Variants in MECOM observed in about 807,000 individuals in gnomAD.
The protein encoded by MECOM is MDS1 and EVI1 complex locus.
A neutral mutation model predicts 116.3 loss-of-function variants in MECOM; 13 were observed. The observed-to-expected ratio is 0.11, with a 90% CI of 0.07 to 0.18. MECOM has a LOEUF of 0.18. Among genes scored for constraint, MECOM ranks in the 10% least tolerant of loss-of-function variants. The pLI, the probability that MECOM is intolerant of heterozygous loss-of-function variation, is 1.00. For missense variants in MECOM, 1,299 were observed against 1,509.0 expected (o/e 0.86, Z 2.31); for synonymous variants, 528 against 535.2 (o/e 0.99, Z 0.19).
chr3:169,266,295 G>A (rs1758293585), intron 2 of MECOM, among the ~76,000 whole-genome samples: 1 of 152,176 alleles, frequency 6.6e-6, no homozygotes, highest in Non-Finnish European at 1.5e-5. Context: ...GTAAAGTTGT[G>A]TATGAGTACA....
At chr3:169,542,332 A>G (rs1175007236) in intron 1 of MECOM, among the ~76,000 whole-genome samples, 1 of 150,984 alleles carries the variant, frequency 6.6e-6, no homozygotes, top group Non-Finnish European at 1.5e-5. Flanking sequence ...CTAGAAAAAA[A>G]AAAAAGAACA....
At chr3:169,497,539 G>A (rs539198489) in intron 1 of MECOM, among the ~76,000 whole-genome samples, 12 of 152,022 alleles carry the variant, frequency 7.9e-5, no homozygotes, top group South Asian at 4.2e-4. Flanking sequence ...GGTATTTTTA[G>A]TAGAGATGGA....
chr3:169,257,202 G>A (rs1041420482), intron 2 of MECOM, among the ~76,000 whole-genome samples: 3 of 152,132 alleles, frequency 2.0e-5, no homozygotes, highest in Non-Finnish European at 4.4e-5. Context: ...AGCTTTCAGC[G>A]GAGGCTACAA....
chr3:169,567,612 G>A (rs1238985210), intron 1 of MECOM, among the ~76,000 whole-genome samples: 1 of 152,132 alleles, frequency 6.6e-6, no homozygotes, highest in Non-Finnish European at 1.5e-5. Flanking sequence ...GTATGAAAAT[G>A]CTTTGCCAGT....
intron 5 of MECOM, among the ~76,000 whole-genome samples, chr3:169,127,379 T>A (rs1395437968): frequency 6.6e-6 from 1 of 152,144 alleles, no homozygotes; most frequent in Admixed American, 6.5e-5. Flanking sequence ...TATATATATG[T>A]AATTTAGATC....
chr3:169,549,493 T>A (rs997243251), intron 1 of MECOM, among the ~76,000 whole-genome samples: 1 of 152,190 alleles, frequency 6.6e-6, no homozygotes, highest in South Asian at 2.1e-4. Flanking sequence ...AAGACAAGCT[T>A]TGCCTATGCC....
intron 1 of MECOM, among the ~76,000 whole-genome samples, chr3:169,586,122 T>C (rs1765742648): frequency 6.6e-6 from 1 of 152,246 alleles, no homozygotes; most frequent in South Asian, 2.1e-4. Context: ...CTTCAAATAG[T>C]TGTCTAATCA....
chr3:169,130,507 G>A (rs1383143902), intron 4 of MECOM, among the ~76,000 whole-genome samples: 5 of 118,334 alleles, frequency 4.2e-5, no homozygotes, highest in African/African-American at 1.7e-4. Flanking sequence ...AACTACTCTT[G>A]TATAACCTAC....
chr3:169,229,581 G>T (rs1753133270), intron 2 of MECOM, among the ~76,000 whole-genome samples: 1 of 152,092 alleles, frequency 6.6e-6, no homozygotes, highest in Non-Finnish European at 1.5e-5. Flanking sequence ...ATGAGGTCTG[G>T]ATTCTGGTTG....
Position 169,663,628 on chromosome 3 carries a change from C to T in MECOM, c.-256G>A, listed in dbSNP as rs75051628. ...TCTCTCCCTCCCTCTCTCCCTTTCT[C>T]TCAATCCACACTCGCTATCTCTCCA... is the stretch of plus-strand genomic sequence containing the variant. On this transcript the variant is annotated 5_prime_UTR_variant, in exon 1 of 17. Coordinates refer to ENST00000651503, the MANE Select transcript of MECOM (RefSeq NM_004991.4). 3.5e-6 allele frequency: 2 copies of T among 567,476 alleles called. No homozygotes were observed. Among genetic ancestry groups the T allele is most frequent in the East Asian group, 2.9e-5 (1 of 34,554 alleles). The allele number at this position is 567,476 out of a possible 1,614,324, so 35.2% of individuals were successfully genotyped here.
At chr3:169,250,179 A>G (rs2149581420) in intron 2 of MECOM, among the ~76,000 whole-genome samples, 1 of 152,296 alleles carries the variant, frequency 6.6e-6, no homozygotes, top group East Asian at 1.9e-4. Context: ...CAGTGGTTTT[A>G]CTTTCTTTAC....
At chr3:169,330,272 C>A (rs1722512615) in intron 2 of MECOM, among the ~76,000 whole-genome samples, 1 of 152,116 alleles carries the variant, frequency 6.6e-6, no homozygotes. Context: ...GATTCTCCAA[C>A]CTTGGCCTCC....
intron 2 of MECOM, among the ~76,000 whole-genome samples, chr3:169,282,059 A>G (rs1303908726): frequency 1.3e-5 from 2 of 152,340 alleles, no homozygotes; most frequent in African/African-American, 4.8e-5. Context: ...AATATTCGAT[A>G]AACCTAAGGA....
chr3:169,347,409 CTG>C (rs1444102191), intron 2 of MECOM, among the ~76,000 whole-genome samples: 1 of 151,922 alleles, frequency 6.6e-6, no homozygotes, highest in Non-Finnish European at 1.5e-5. Context: ...CACACAATGT[CTG>C]TGTGTGTGCA....
intron 1 of MECOM, among the ~76,000 whole-genome samples, chr3:169,596,071 G>A (rs1039966473): frequency 2.0e-5 from 3 of 152,162 alleles, no homozygotes; most frequent in Non-Finnish European, 4.4e-5. Context: ...AGGGATTCTA[G>A]ACATCCTAAC....
At chr3:169,510,467 AG>A (rs2109023338) in intron 1 of MECOM, among the ~76,000 whole-genome samples, 1 of 152,336 alleles carries the variant, frequency 6.6e-6, no homozygotes, top group Admixed American at 6.5e-5. Flanking sequence ...CTTCAGACAG[AG>A]GACACTAATT....
In MECOM at chr3:169,396,762, G is replaced by A. The variant is rs370608351; in HGVS notation, c.38-15238C>T. ...CAGGTGGGTGGATCACTTGAGGTCT[G>A]GAGTTCGAGACCAGTGTGACAAACC... On this transcript the variant is annotated intron_variant, in intron 1 of 16. Coordinates refer to ENST00000651503, the MANE Select transcript of MECOM (RefSeq NM_004991.4). 1.8e-4 allele frequency among the ~76,000 whole-genome samples: 27 copies of A among 152,238 alleles called. 1 individual carries two copies. The highest frequency in any genetic ancestry group is 6.3e-4 in the African/African-American group (26 of 41,554).
In MECOM at chr3:169,084,848, C is replaced by A; in HGVS notation, c.*61G>T. On this transcript the variant is annotated 3_prime_UTR_variant, in exon 17 of 17. Coordinates refer to ENST00000651503, the MANE Select transcript of MECOM (RefSeq NM_004991.4). ...TCTGCTCAGCAGTCTTGTAAATAGT[C>A]CTATATGAAAGAGCCATGCTACTGT... The A allele has an allele frequency of 6.2e-7, 1 of 1,601,798 alleles. No homozygotes were observed.
chr3:169,493,797 T>C (rs1162803992), intron 1 of MECOM, among the ~76,000 whole-genome samples: 1 of 151,994 alleles, frequency 6.6e-6, no homozygotes, highest in Non-Finnish European at 1.5e-5. Flanking sequence ...CAACTTAAGC[T>C]GTTGAAAGCC....
Sources: gnomAD v4.1 joint callset for allele counts (sites outside exome capture counted in the v4.1 genomes callset) on GRCh38, gnomAD v4.1.1 for gene constraint, MANE v1.5 for transcripts, NCBI Gene and HGNC (gene_info 2026-07-23, HGNC 2026-07-21) for gene names.